The following MS4A4A variants were observed in gnomAD, a reference collection of about 807,000 sequenced individuals.
The protein encoded by MS4A4A is membrane spanning 4-domains A4A.
In MS4A4A, 26 loss-of-function variants were observed where a neutral mutation model predicts 28.0. The observed-to-expected ratio is 0.93, with a 90% confidence interval of 0.68 to 1.29. MS4A4A has a LOEUF of 1.29. Among genes scored for constraint, MS4A4A ranks in the 50% most tolerant of loss-of-function variants. The probability of loss-of-function intolerance (pLI) is 0.00; values close to 1 mark genes in which losing one functional copy is unlikely to be tolerated. For missense variants in MS4A4A, 290 were observed against 293.1 expected (o/e 0.99, Z 0.08); for synonymous variants, 86 against 100.8 (o/e 0.85, Z 0.88).
chr11:60,304,323 T>A (rs2084978882), intron 5 of MS4A4A, among the ~76,000 whole-genome samples: 1 of 152,212 alleles, frequency 6.6e-6, no homozygotes, highest in Non-Finnish European at 1.5e-5. Context: ...GACTTCACAG[T>A]TAAAAGAGCC....
At chr11:60,297,427 A>G (rs1435202043) in intron 3 of MS4A4A, 102 bp downstream of exon 3, 5 of 1,346,952 alleles carry the variant, frequency 3.7e-6, no homozygotes, top group African/African-American at 1.5e-5. Context: ...AATTCTGTAA[A>G]TCTGAGAGTG....
rs2085026672 is a variant in MS4A4A, at chr11:60,308,459, G to C, written c.*281G>C. On this transcript the variant is annotated 3_prime_UTR_variant, in exon 7 of 7. Coordinates refer to ENST00000337908, the MANE Select transcript of MS4A4A (RefSeq NM_148975.3). ...AAATAATGCATTTAATGAGGCAACA[G>C]CACTTGAAAGTTTTTCATTCATCAT... is the stretch of plus-strand genomic sequence containing the variant. 3.0e-6 allele frequency: 1 copy of C among 332,952 alleles called. No homozygotes were observed. Among genetic ancestry groups the C allele is most frequent in the African/African-American group, 2.1e-5 (1 of 46,996 alleles). The allele number at this position is 332,952 out of a possible 1,614,324, so 20.6% of individuals were successfully genotyped here. A position where few individuals can be genotyped will look rare whatever the true frequency, so the allele number is the denominator to read the frequency against.
chr11:60,294,892 A>ACTTCTTCTTCTTCTTCTTCTTATTCTT (rs2084890337), intron 2 of MS4A4A, among the ~76,000 whole-genome samples: 1 of 130,846 alleles, frequency 7.6e-6, no homozygotes, highest in Non-Finnish European at 1.7e-5. Flanking sequence ...TACAACTACT[A>ACTTCTTCTTCTTCTTCTTCTTATTCTT]CTTCTTCTTC....
chr11:60,281,861 C>T (rs1484554510), intron 1 of MS4A4A, among the ~76,000 whole-genome samples: 2 of 152,028 alleles, frequency 1.3e-5, no homozygotes, highest in South Asian at 2.1e-4. Flanking sequence ...GTGGCAAAAC[C>T]AAGGTTTAAA....
chr11:60,288,586 T>C (rs56286228), intron 1 of MS4A4A, among the ~76,000 whole-genome samples: 1 of 151,942 alleles, frequency 6.6e-6, no homozygotes, highest in Non-Finnish European at 1.5e-5. Flanking sequence ...CAGTTGAAAT[T>C]TTGGTTCCAG....
At position 60,280,711 on chromosome 11, in the gene MS4A4A, A is replaced by G. The variant is rs765526669; in HGVS notation, c.36A>G (p.Glu12=). 2 of 1,613,634 alleles carry G rather than the reference A, an allele frequency of 1.2e-6. No homozygotes were observed. The highest frequency in any genetic ancestry group is 4.5e-5 in the East Asian group (2 of 44,860). ...HQTYSRHCRP[E]ESTFSAAMTT... ...CCTACAGCAGACATTGCAGGCCTGA[A>G]GAAAGGTAGGTCCAGGGACTTGCCT... Residue 12 remains glutamate (E), a synonymous_variant, in exon 1 of 7, where the codon GAA becomes GAG. Coordinates refer to ENST00000337908, the MANE Select transcript of MS4A4A (RefSeq NM_148975.3).
rs761680706 is a variant in MS4A4A at position 60,301,000 on chromosome 11, GT to G, written c.333del (p.Phe111LeufsTer24). ...IGYTIWGSVM[F>X]IISGSLSIAA... ...ACCTTCATTTTTTCTCTCATTTTTA[GT>G]TTATTATTTCAGGATCCTTGTCAAT... is the stretch of plus-strand genomic sequence containing the variant. On this transcript the variant is annotated frameshift_variant and splice_region_variant, in exon 4 of 7. Coordinates refer to ENST00000337908, the MANE Select transcript of MS4A4A (RefSeq NM_148975.3). LOFTEE classifies it high-confidence loss of function. 2.5e-6 allele frequency: 4 copies of G among 1,601,304 alleles called. No individual in the cohort carries two copies. In the African/African-American group the frequency reaches 4.0e-5, roughly 16 times the overall value.
intron 6 of MS4A4A, 130 bp downstream of exon 6, chr11:60,306,331 GC>G: frequency 1.3e-6 from 1 of 777,760 alleles, no homozygotes; most frequent in Non-Finnish European, 2.1e-6. Flanking sequence ...AAGAGTCTGA[GC>G]CCAGCTGAAG....
chr11:60,294,901 T>A (rs879867603), intron 2 of MS4A4A, among the ~76,000 whole-genome samples: 1,587 of 56,574 alleles, frequency 0.028, 29 homozygotes, highest in African/African-American at 0.039. Flanking sequence ...TACTTCTTCT[T>A]CTTCTTCTTC....
intron 1 of MS4A4A, chr11:60,290,155 C>T: frequency 2.4e-6 from 1 of 421,322 alleles, no homozygotes; most frequent in Non-Finnish European, 4.9e-6. Context: ...TTCTCCTTTA[C>T]TACTGACTTC....
intron 1 of MS4A4A, among the ~76,000 whole-genome samples, chr11:60,291,107 A>G (rs529200792): frequency 3.3e-5 from 5 of 152,224 alleles, no homozygotes; most frequent in African/African-American, 1.2e-4. Context: ...AAAAATTTCC[A>G]TGTGACTTTA....
chr11:60,281,108 T>C (rs918514577), intron 1 of MS4A4A, among the ~76,000 whole-genome samples: 1 of 152,192 alleles, frequency 6.6e-6, no homozygotes, highest in Admixed American at 6.6e-5. Flanking sequence ...ACTGGTTATT[T>C]TTATAACTCA....
At chr11:60,293,912 G>A (rs1387394931) in intron 2 of MS4A4A, among the ~76,000 whole-genome samples, 1 of 152,220 alleles carries the variant, frequency 6.6e-6, no homozygotes, top group Admixed American at 6.5e-5. Context: ...GCAATTAGGA[G>A]TAACATTGCT....
intron 3 of MS4A4A, among the ~76,000 whole-genome samples, chr11:60,299,716 C>CT (rs967885564): frequency 6.6e-6 from 1 of 152,160 alleles, no homozygotes; most frequent in African/African-American, 2.4e-5. Context: ...CCGCCTCAGC[C>CT]TCCCAAAGTG....
rs947885860 is a variant in MS4A4A, at chr11:60,302,637, G to T, written c.466G>T (p.Ala156Ser). Reference protein sequence around the residue: ...SGILINTFSLAFYSFHHPYCN... With the variant: ...SGILINTFSLSFYSFHHPYCN... ...GATCTTAATCAACACATTTAGCTTG[G>T]CGTTTTATTCATTCCATCACCCTTA... The change falls in exon 5 of 7, where the codon GCG becomes TCG. Residue 156 changes from alanine (A) to serine (S), a missense_variant. Ala to Ser is a moderately conservative substitution (Grantham distance 99). Coordinates refer to ENST00000337908, the MANE Select transcript of MS4A4A (RefSeq NM_148975.3). 2 of 1,613,874 alleles carry T rather than the reference G, an allele frequency of 1.2e-6. No homozygotes were observed. The highest frequency in any genetic ancestry group is 2.7e-5 in the African/African-American group (2 of 74,896).
chr11:60,305,477 T>G (rs1235351472), intron 5 of MS4A4A, among the ~76,000 whole-genome samples: 2 of 152,236 alleles, frequency 1.3e-5, no homozygotes. Flanking sequence ...TCATCCCATC[T>G]TCTACCTTCA....
chr11:60,292,363 G>A lies in MS4A4A; in HGVS notation c.180G>A (p.Lys60=). The A allele has an allele frequency of 1.2e-6, 2 of 1,600,352 alleles. No homozygotes were observed. Among genetic ancestry groups the A allele is most frequent in the Non-Finnish European group, 8.5e-7 (1 of 1,174,846 alleles). The part of the protein sequence containing the change: ...LWKGLQEKFL[K]GEPKVLGVVQ... ...AAGGATTGCAAGAGAAGTTCTTGAA[G>A]GGAGAACCCAAAGTCCTTGGGGTAA... Residue 60 remains lysine (K), a synonymous_variant, in exon 2 of 7, where the codon AAG becomes AAA. Coordinates refer to ENST00000337908, the MANE Select transcript of MS4A4A (RefSeq NM_148975.3).
chr11:60,289,461 A>C (rs1345112461), intron 1 of MS4A4A, among the ~76,000 whole-genome samples: 1 of 152,092 alleles, frequency 6.6e-6, no homozygotes, highest in Non-Finnish European at 1.5e-5. Context: ...TTCTTCATGT[A>C]GCCATCCTGG....
At chr11:60,291,422 C>A (rs758759815) in intron 1 of MS4A4A, among the ~76,000 whole-genome samples, 1 of 152,144 alleles carries the variant, frequency 6.6e-6, no homozygotes, top group Non-Finnish European at 1.5e-5. Flanking sequence ...TTTAACTGTG[C>A]TCTGATTAGA....
Sources: gnomAD v4.1 joint callset for allele counts (sites outside exome capture counted in the v4.1 genomes callset) on GRCh38, gnomAD v4.1.1 for gene constraint, MANE v1.5 for transcripts, NCBI Gene and HGNC (gene_info 2026-07-23, HGNC 2026-07-21) for gene names.